CCDC60: variants seen among roughly 807,000 people sequenced by gnomAD.
CCDC60 encodes the protein coiled-coil domain-containing protein 60.
A neutral mutation model predicts 63.5 loss-of-function variants in CCDC60; 54 were observed. The observed-to-expected ratio is 0.85, with a 90% CI of 0.68 to 1.07. CCDC60 has a LOEUF of 1.07. Ranked by LOEUF, CCDC60 falls within the 50% of genes least tolerant of loss-of-function variation. The pLI, the probability that CCDC60 is intolerant of heterozygous loss-of-function variation, is 0.00. For missense variants in CCDC60, 651 were observed against 684.3 expected, an observed-to-expected ratio of 0.95 and a Z score of 0.54; for synonymous variants, 206 against 238.8, an observed-to-expected ratio of 0.86 and a Z score of 1.27.
chr12:119,486,434 A>C (rs1951441109), intron 4 of CCDC60, among the ~76,000 whole-genome samples: 1 of 152,204 alleles, frequency 6.6e-6, no homozygotes, highest in Non-Finnish European at 1.5e-5. Flanking sequence ...GCTACTCTGG[A>C]AACTGAGGCA....
chr12:119,335,086 G>A lies in CCDC60; in HGVS notation c.-91G>A, dbSNP rs1260274987. On this transcript the variant is annotated 5_prime_UTR_variant, in exon 1 of 14. Coordinates refer to ENST00000327554, the MANE Select transcript of CCDC60 (RefSeq NM_178499.5). The stretch of plus-strand genomic sequence containing the variant: ...ACTTGGGGATCAGGGAGAAGTTGCC[G>A]AAACTTCTCATACCAGTAACTACTG... 2.9e-5 allele frequency: 31 copies of A among 1,080,768 alleles called. No individual in the cohort carries two copies. The highest frequency in any genetic ancestry group is 3.6e-5 in the Non-Finnish European group (27 of 741,688). The allele number at this position is 1,080,768 out of a possible 1,614,324, so 66.9% of individuals were successfully genotyped here.
intron 9 of CCDC60, among the ~76,000 whole-genome samples, chr12:119,522,702 C>G (rs1267888398): frequency 1.3e-5 from 2 of 152,128 alleles, no homozygotes; most frequent in African/African-American, 4.8e-5. Flanking sequence ...GACCGTAAGG[C>G]AGGGTAGGAT....
chr12:119,488,867 G>T lies in CCDC60; in HGVS notation c.557+1G>T. On this transcript the variant is annotated splice_donor_variant, in intron 5 of 13. Coordinates refer to ENST00000327554, the MANE Select transcript of CCDC60 (RefSeq NM_178499.5). LOFTEE classifies it high-confidence loss of function. ...CTGTGATCACCTGCTGGAACCCAAA[G>T]TATGCCTCAGCCCTTCAACTTGTCT... 1.2e-6 allele frequency: 2 copies of T among 1,611,756 alleles called. No individual in the cohort carries two copies. The highest frequency in any genetic ancestry group is 8.5e-7 in the Non-Finnish European group (1 of 1,177,808).
chr12:119,510,924 G>T (rs114501220), intron 7 of CCDC60, among the ~76,000 whole-genome samples: 1 of 152,240 alleles, frequency 6.6e-6, no homozygotes, highest in African/African-American at 2.4e-5. Context: ...AGCTGCAAAG[G>T]ATGTTGAAAA....
At chr12:119,388,670 C>T (rs755414174) in intron 1 of CCDC60, among the ~76,000 whole-genome samples, 13 of 152,144 alleles carry the variant, frequency 8.5e-5, no homozygotes, top group Non-Finnish European at 1.9e-4. Flanking sequence ...ATATGTACAT[C>T]TTGGAAACAC....
intron 1 of CCDC60, among the ~76,000 whole-genome samples, chr12:119,339,048 C>T (rs1284832619): frequency 1.3e-5 from 2 of 151,994 alleles, no homozygotes; most frequent in East Asian, 3.9e-4. Flanking sequence ...TATGCAAATC[C>T]TCTGTTTGAA....
chr12:119,511,334 T>C (rs1847878144), intron 7 of CCDC60, among the ~76,000 whole-genome samples: 1 of 152,180 alleles, frequency 6.6e-6, no homozygotes, highest in South Asian at 2.1e-4. Context: ...ATGAAGTCTT[T>C]GTTGATGCAA....
chr12:119,468,500 A>T lies in CCDC60; in HGVS notation c.171-3494A>T, dbSNP rs545156030. On this transcript the variant is annotated intron_variant, in intron 2 of 13. Transcript: ENST00000327554. Reference sequence around the variant, plus strand: ...GCAACTGACTGTCTGGGATGGATATATGACATGTGGCATAAACATCCAAAA... The same window carrying T: ...GCAACTGACTGTCTGGGATGGATATTTGACATGTGGCATAAACATCCAAAA... Among the ~76,000 whole-genome samples the T allele has an allele frequency of 1.1e-3, 165 of 152,314 alleles. 1 individual carries two copies. The South Asian group carries it at 0.014, about 13-fold the overall frequency.
intron 1 of CCDC60, among the ~76,000 whole-genome samples, chr12:119,360,830 CTCCAGCCT>C (rs967741755): frequency 6.6e-6 from 1 of 152,176 alleles, no homozygotes; most frequent in African/African-American, 2.4e-5. Context: ...TGCCACTGCA[CTCCAGCCT>C]GGGCGCCATT....
chr12:119,362,063 T>C (rs1955796771), intron 1 of CCDC60, among the ~76,000 whole-genome samples: 1 of 152,218 alleles, frequency 6.6e-6, no homozygotes, highest in African/African-American at 2.4e-5. Flanking sequence ...CAAACACATA[T>C]GTATTGTGGC....
At chr12:119,514,013 T>C (rs1952284284) in intron 7 of CCDC60, among the ~76,000 whole-genome samples, 1 of 152,108 alleles carries the variant, frequency 6.6e-6, no homozygotes, top group Admixed American at 6.6e-5. Flanking sequence ...GAAGAAGGCA[T>C]TGTTATCATG....
Position 119,516,662 on chromosome 12 carries a change from G to C in CCDC60, c.923G>C (p.Arg308Pro), listed in dbSNP as rs1350115189. The C allele has an allele frequency of 6.2e-7, 1 of 1,613,856 alleles. No individual in the cohort carries two copies. Among genetic ancestry groups the C allele is most frequent in the South Asian group, 1.1e-5 (1 of 91,072 alleles). The change falls in exon 8 of 14, where the codon CGG (arginine) becomes CCG (proline). Residue 308 changes from arginine to proline, a missense_variant. By Grantham distance (103) the Arg-to-Pro change is moderately radical (BLOSUM62 -2). Coordinates refer to ENST00000327554, the MANE Select transcript of CCDC60 (RefSeq NM_178499.5). ...KLLEMVREDA[R>P]RTVTIENGMQ... ...CTGGAGATGGTTCGGGAAGATGCCCGGAGGACAGTCACAATAGAAAATGGG... is the reference window on the plus strand; with the variant it reads ...CTGGAGATGGTTCGGGAAGATGCCCCGAGGACAGTCACAATAGAAAATGGG...
intron 3 of CCDC60, 110 bp from the exon 4 acceptor site, chr12:119,478,984 T>G: frequency 1.3e-6 from 1 of 747,684 alleles, no homozygotes; most frequent in Admixed American, 2.1e-5. Flanking sequence ...ATTTGCCTGA[T>G]ACATAGTAAG....
intron 4 of CCDC60, among the ~76,000 whole-genome samples, chr12:119,481,800 A>T (rs907093367): frequency 2.6e-5 from 4 of 151,684 alleles, no homozygotes; most frequent in Admixed American, 2.0e-4. Context: ...TGTCATTCTT[A>T]TGCCTTTGCA....
rs1269779797 is a variant in CCDC60 at position 119,540,806 on chromosome 12, C to CT, written c.*91_*92insT. The CT allele has an allele frequency of 4.6e-6, 4 of 862,242 alleles. No individual in the cohort carries two copies. Among genetic ancestry groups the CT allele is most frequent in the Non-Finnish European group, 7.5e-6 (4 of 530,370 alleles). 53.4% of individuals were successfully genotyped at this position (862,242 alleles called of 1,614,324 possible). ...TGCCTGTGTTCCTGCCTCCTGACTA[C>CT]CCTCATGGATGCTCTTTATGGATGA... On this transcript the variant is annotated 3_prime_UTR_variant, in exon 14 of 14. Transcript: ENST00000327554.
At chr12:119,450,836 G>A (rs918908222) in intron 2 of CCDC60, among the ~76,000 whole-genome samples, 8 of 145,168 alleles carry the variant, frequency 5.5e-5, no homozygotes, top group African/African-American at 1.8e-4. Context: ...CCAGCCTGGC[G>A]ACAGAGCAAG....
intron 1 of CCDC60, among the ~76,000 whole-genome samples, chr12:119,419,295 AC>A (rs140058909): frequency 0.017 from 2,525 of 152,258 alleles, 75 homozygotes; most frequent in African/African-American, 0.058. Flanking sequence ...AGTCCAGATC[AC>A]CTATTTTGTA....
rs574164193 is a variant in CCDC60, at chr12:119,335,501, T to C, written c.90+235T>C. ...TTAATGATTGCCATTCTAACTGGTG[T>C]GAGATGGTATCTCATTGTGGTTTTG... On this transcript the variant is annotated intron_variant, in intron 1 of 13. Transcript: ENST00000327554. Among the ~76,000 whole-genome samples, 319 of 151,162 alleles carry C rather than the reference T, an allele frequency of 2.1e-3. 2 individuals carry two copies. In the Middle Eastern group the frequency reaches 0.027, roughly 13 times the overall value.
intron 1 of CCDC60, among the ~76,000 whole-genome samples, chr12:119,393,471 C>G (rs1312949028): frequency 6.6e-6 from 1 of 152,204 alleles, no homozygotes; most frequent in Admixed American, 6.5e-5. Flanking sequence ...TTTATTTTGT[C>G]TGCATCTCCA....
Sources: gnomAD v4.1 joint callset for allele counts (sites outside exome capture counted in the v4.1 genomes callset) on GRCh38, gnomAD v4.1.1 for gene constraint, MANE v1.5 for transcripts, NCBI Gene and HGNC (gene_info 2026-07-23, HGNC 2026-07-21) for gene names.